The following ZNF169 variants were observed in gnomAD, a reference collection of about 807,000 sequenced individuals.
The protein encoded by ZNF169 is zinc finger protein 169.
ZNF169 carries 11 observed loss-of-function variants against 12.0 expected under a neutral mutation model. That is an observed-to-expected ratio of 0.92 (90% CI 0.58 to 1.52). The LOEUF (loss-of-function observed/expected upper bound fraction) is 1.52. Among genes scored for constraint, ZNF169 ranks in the 40% most tolerant of loss-of-function variants. The pLI, the probability that ZNF169 is intolerant of heterozygous loss-of-function variation, is 0.00. For missense variants in ZNF169, 722 were observed against 744.0 expected (o/e 0.97, Z 0.34); for synonymous variants, 302 against 286.5 (o/e 1.05, Z -0.55).
intron 2 of ZNF169, chr9:94,288,442 T>C: frequency 9.0e-7 from 1 of 1,114,960 alleles, no homozygotes; most frequent in South Asian, 1.2e-5. Flanking sequence ...TTCCAATCCA[T>C]TCTTCTCTTT....
At chr9:94,275,841 G>T (rs543825589) in intron 1 of ZNF169, among the ~76,000 whole-genome samples, 1 of 150,992 alleles carries the variant, frequency 6.6e-6, no homozygotes, top group African/African-American at 2.4e-5. Flanking sequence ...GAGTGCAGTG[G>T]TGCTATCTCA....
In ZNF169 at chr9:94,292,982, T is replaced by C. The variant is rs757287685; in HGVS notation, c.169T>C (p.Phe57Leu). The part of the protein sequence containing the change: ...YSHLVSLGIA[F>L]SKPKLIEQLE... ...TTTTTTCCTGTGAGTAGGAATTGCA[T>C]TTTCCAAACCAAAACTCATCGAACA... Residue 57 changes from phenylalanine (F) to leucine (L), a missense_variant, in exon 4 of 5, where the codon TTT (phenylalanine) becomes CTT (leucine). Phe to Leu is a conservative substitution (Grantham distance 22). Transcript: ENST00000395395. 1.2e-6 allele frequency: 2 copies of C among 1,611,276 alleles called. No individual in the cohort carries two copies. The highest frequency in any genetic ancestry group is 3.3e-5 in the Admixed American group (2 of 59,760).
At position 94,292,474 on chromosome 9, in the gene ZNF169, C is replaced by T. The variant is rs777823843; in HGVS notation, c.160+7C>T. On this transcript the variant is annotated splice_region_variant and intron_variant, in intron 3 of 4. Coordinates refer to ENST00000395395, the MANE Select transcript of ZNF169 (RefSeq NM_194320.4). Reference sequence around the variant, plus strand: ...AGCCATCTGGTCTCCCTGGGTAAGGCTGGCCTGTTTAAGGTTTCAGATTCT... The same window carrying T: ...AGCCATCTGGTCTCCCTGGGTAAGGTTGGCCTGTTTAAGGTTTCAGATTCT... The T allele has an allele frequency of 1.2e-6, 2 of 1,612,032 alleles. No homozygotes were observed. The highest frequency in any genetic ancestry group is 1.3e-5 in the African/African-American group (1 of 74,974).
At position 94,274,993 on chromosome 9, in the gene ZNF169, C is replaced by G. The variant is rs137893146; in HGVS notation, c.-55-3765C>G. Among the ~76,000 whole-genome samples, 67 of 152,228 alleles carry G rather than the reference C, an allele frequency of 4.4e-4. 1 individual carries two copies. In the Middle Eastern group the frequency reaches 0.014, roughly 31 times the overall value. ...TGCTTTATGCCTTGTAATCCCAGTG[C>G]TTTGGGAGGCTGAGGCAGGAGGATC... is the stretch of plus-strand genomic sequence containing the variant. On this transcript the variant is annotated intron_variant, in intron 1 of 4. Coordinates refer to ENST00000395395, the MANE Select transcript of ZNF169 (RefSeq NM_194320.4).
chr9:94,293,313 C>T (rs1264000955), intron 4 of ZNF169: 6 of 591,366 alleles, frequency 1.0e-5, no homozygotes, highest in African/African-American at 5.6e-5. Context: ...CTTCCTTTCT[C>T]GAGCACATTC....
chr9:94,262,722 G>A (rs1830226508), intron 1 of ZNF169, among the ~76,000 whole-genome samples: 1 of 152,082 alleles, frequency 6.6e-6, no homozygotes, highest in African/African-American at 2.4e-5. Context: ...GCCTCCCAAA[G>A]TGCTGGGATT....
chr9:94,294,032 T>C (rs1444686747), intron 4 of ZNF169: 2 of 152,266 alleles, frequency 1.3e-5, no homozygotes, highest in African/African-American at 4.8e-5. Flanking sequence ...TTTGCATGTC[T>C]GTAAACTTCT....
chr9:94,289,511 C>T (rs1418108132), intron 2 of ZNF169, among the ~76,000 whole-genome samples: 3 of 152,092 alleles, frequency 2.0e-5, no homozygotes, highest in Non-Finnish European at 4.4e-5. Context: ...ATACAATGGC[C>T]GGGCATGGTG....
chr9:94,280,957 G>A (rs7854893), intron 2 of ZNF169, among the ~76,000 whole-genome samples: 2 of 151,848 alleles, frequency 1.3e-5, no homozygotes, highest in Admixed American at 6.6e-5. Flanking sequence ...GAGGCAAGGG[G>A]GCGAAGAGAA....
rs576157333 is a variant in ZNF169 at position 94,299,520 on chromosome 9, G to C, written c.257-295G>C. On this transcript the variant is annotated intron_variant, in intron 4 of 4. Transcript: ENST00000395395. ...ATGTTTCTCAGGCAAGGTTTAATAG[G>C]CTTGAGCTGGAGCAAAAGCAAGGGA... is the stretch of plus-strand genomic sequence containing the variant. The C allele has an allele frequency of 1.4e-5, 19 of 1,326,426 alleles. No homozygotes were observed. The South Asian group carries it at 3.5e-4, about 24-fold the overall frequency. 82.2% of individuals were successfully genotyped at this position (1,326,426 alleles called of 1,614,324 possible).
At position 94,273,464 on chromosome 9, in the gene ZNF169, T is replaced by G. The variant is rs570452602; in HGVS notation, c.-55-5294T>G. Among the ~76,000 whole-genome samples, 4 of 151,906 alleles carry G rather than the reference T, an allele frequency of 2.6e-5. No individual in the cohort carries two copies. In the East Asian group the frequency reaches 7.7e-4, roughly 29 times the overall value. ...TCTTTATTACTTCCTTTCTTCTTAT[T>G]TTGGGTTCTTTTTGCTTTTCTTTTT... On this transcript the variant is annotated intron_variant, in intron 1 of 4. Coordinates refer to ENST00000395395, the MANE Select transcript of ZNF169 (RefSeq NM_194320.4).
intron 1 of ZNF169, among the ~76,000 whole-genome samples, chr9:94,273,171 C>T (rs532315747): frequency 6.6e-6 from 1 of 152,046 alleles, no homozygotes. Flanking sequence ...TGTAAGTTGC[C>T]TTATCACTCT....
intron 1 of ZNF169, among the ~76,000 whole-genome samples, chr9:94,265,032 T>TTG (rs1830268487): frequency 1.4e-5 from 2 of 147,172 alleles, no homozygotes; most frequent in Non-Finnish European, 3.0e-5. Context: ...TTTTTTTTTT[T>TTG]TTTTTTTTTA....
rs754355540 is a variant in ZNF169 at position 94,300,804 on chromosome 9, ACT to A, written c.1250_1251del (p.Leu417HisfsTer23). 3 of 1,606,558 alleles carry A rather than the reference ACT, an allele frequency of 1.9e-6. No individual in the cohort carries two copies. Among genetic ancestry groups the A allele is most frequent in the Non-Finnish European group, 2.5e-6 (3 of 1,177,598 alleles). ...TGGGCACAGCTTTCGCCAAAAGGTC[ACT>A]CTCATCAGGCACCAGAGGACACACA... is the stretch of plus-strand genomic sequence containing the variant. ...ECGHSFRQKVTLIRHQRTHTG... is the reference protein window; with the variant it reads ...ECGHSFRQKVXLIRHQRTHTG... On this transcript the variant is annotated frameshift_variant, in exon 5 of 5. Transcript: ENST00000395395. LOFTEE classifies it low-confidence loss of function (END_TRUNC).
At chr9:94,269,044 C>T (rs943593964) in intron 1 of ZNF169, among the ~76,000 whole-genome samples, 6 of 151,754 alleles carry the variant, frequency 4.0e-5, no homozygotes, top group African/African-American at 7.3e-5. Context: ...TTATTTAGGC[C>T]GACTGTCAAC....
intron 2 of ZNF169, among the ~76,000 whole-genome samples, chr9:94,286,612 A>C (rs1325436453): frequency 6.6e-6 from 1 of 152,218 alleles, no homozygotes; most frequent in African/African-American, 2.4e-5. Context: ...ATTCCACACA[A>C]AATGCAAGAC....
At chr9:94,293,289 C>T in intron 4 of ZNF169, 7 of 597,742 alleles carry the variant, frequency 1.2e-5, no homozygotes, top group Non-Finnish European at 1.8e-5. Context: ...CAGGGAGCCT[C>T]ACTCCTCACT....
At chr9:94,276,624 C>CCT (rs1830524622) in intron 1 of ZNF169, among the ~76,000 whole-genome samples, 1 of 152,038 alleles carries the variant, frequency 6.6e-6, no homozygotes, top group Admixed American at 6.6e-5. Context: ...GAACTCCTGA[C>CCT]CTCGTCATCC....
chr9:94,297,302 T>A (rs909472308), intron 4 of ZNF169, among the ~76,000 whole-genome samples: 1 of 151,424 alleles, frequency 6.6e-6, no homozygotes, highest in Admixed American at 6.6e-5. Flanking sequence ...TTCATTTTTG[T>A]CGGCATTGTT....
Sources: allele counts gnomAD v4.1 joint callset (sites outside exome capture counted in the v4.1 genomes callset), GRCh38; gene constraint gnomAD v4.1.1; transcripts MANE v1.5; gene names NCBI Gene and HGNC (gene_info 2026-07-23, HGNC 2026-07-21).